The following PCDHA5 variants were observed in gnomAD, a reference collection of about 807,000 sequenced individuals.
The protein encoded by PCDHA5 is protocadherin alpha-5.
In PCDHA5, 43 loss-of-function variants were observed where a neutral mutation model predicts 61.6. The observed-to-expected ratio is 0.70, with a 90% CI of 0.55 to 0.90. PCDHA5 has a LOEUF of 0.90. Among genes scored for constraint, PCDHA5 ranks in the 40% least tolerant of loss-of-function variants. PCDHA5 has a pLI of 0.00. For missense variants in PCDHA5, 1,298 were observed against 1,222.7 expected, an observed-to-expected ratio of 1.06 and a Z score of -0.92; for synonymous variants, 627 against 543.9, an observed-to-expected ratio of 1.15 and a Z score of -2.13.
In PCDHA5 at chr5:140,857,075, A is replaced by C. The variant is rs782381292; in HGVS notation, c.2352+32948A>C. On this transcript the variant is annotated intron_variant, in intron 1 of 3. Coordinates refer to ENST00000529859, the MANE Select transcript of PCDHA5 (RefSeq NM_018908.3). ...GGTCCTAGTGGAACTACTGGATGAA[A>C]ATGATAATTCACCTGAGGTGATTGT... is the stretch of plus-strand genomic sequence containing the variant. 10 of 1,597,052 alleles carry C rather than the reference A, an allele frequency of 6.3e-6. 1 individual carries two copies. The highest frequency in any genetic ancestry group is 8.6e-6 in the Non-Finnish European group (10 of 1,166,684).
At chr5:140,845,460 T>C (rs1432281352) in intron 1 of PCDHA5, among the ~76,000 whole-genome samples, 1 of 149,744 alleles carries the variant, frequency 6.7e-6, no homozygotes, top group Non-Finnish European at 1.5e-5. Context: ...AACTCTCTGA[T>C]ATTTGAATTT....
At chr5:140,890,902 G>A (rs781819787) in intron 1 of PCDHA5, among the ~76,000 whole-genome samples, 16 of 152,080 alleles carry the variant, frequency 1.1e-4, no homozygotes, top group Non-Finnish European at 1.5e-4. Context: ...GTCTTTCCAT[G>A]TTAGAATAAT....
In PCDHA5 at chr5:140,829,829, C is replaced by G. The variant is rs2150175564; in HGVS notation, c.2352+5702C>G. The G allele has an allele frequency of 1.2e-5, 19 of 1,613,904 alleles. No individual in the cohort carries two copies. In the East Asian group the frequency reaches 3.6e-4, roughly 30 times the overall value. ...TGGTACTGGTGGTGCAGTGAGCGAG[C>G]TGGTGCCGCGGTCACTGGGTGCAGG... On this transcript the variant is annotated intron_variant, in intron 1 of 3. Transcript: ENST00000529859.
chr5:141,009,501 C>T (rs2098410009), intron 3 of PCDHA5, 126 bp from the exon 4 acceptor site: 4 of 1,492,480 alleles, frequency 2.7e-6, no homozygotes, highest in Non-Finnish European at 3.6e-6. Context: ...CAGACTTGAA[C>T]AAACAACTCG....
In PCDHA5 at chr5:140,851,831, A is replaced by T. The variant is rs1171493624; in HGVS notation, c.2352+27704A>T. 16 of 968,114 alleles carry T rather than the reference A, an allele frequency of 1.7e-5. 1 individual carries two copies. Among genetic ancestry groups the T allele is most frequent in the Middle Eastern group, 5.3e-4 (1 of 1,876 alleles). 60.0% of individuals were successfully genotyped at this position (968,114 alleles called of 1,614,324 possible). On this transcript the variant is annotated intron_variant, in intron 1 of 3. Transcript: ENST00000529859. ...CCATAAGACAGAAATCTGTTTTTTT[A>T]AAAATATCTTTTTCTCCTCTCAGCT...
chr5:140,948,902 T>C (rs943078074), intron 1 of PCDHA5, among the ~76,000 whole-genome samples: 1 of 151,528 alleles, frequency 6.6e-6, no homozygotes, highest in Non-Finnish European at 1.5e-5. Flanking sequence ...TTAAGTGGAT[T>C]CTTAGGTAAC....
At chr5:140,871,293 G>T (rs1206433527) in intron 1 of PCDHA5, 5 of 1,613,794 alleles carry the variant, frequency 3.1e-6, no homozygotes, top group Admixed American at 1.7e-5. Flanking sequence ...CTGAGGGCGC[G>T]TGCGCGCCGG....
chr5:140,903,273 T>G (rs1213268192), intron 1 of PCDHA5, among the ~76,000 whole-genome samples: 2 of 152,228 alleles, frequency 1.3e-5, no homozygotes, highest in Non-Finnish European at 2.9e-5. Flanking sequence ...AGTGAGGTAG[T>G]GTCTCATTGT....
chr5:140,869,190 C>G (rs536787060), intron 1 of PCDHA5: 1 of 1,613,998 alleles, frequency 6.2e-7, no homozygotes, highest in African/African-American at 1.3e-5. Context: ...TGGGGAGCGG[C>G]CAGCTCCACT....
rs111233751 is a variant in PCDHA5, at chr5:140,887,119, C to T, written c.2352+62992C>T. On this transcript the variant is annotated intron_variant, in intron 1 of 3. Transcript: ENST00000529859. ...TTTATCTCTTTTTTTTTTTTTGAGA[C>T]GGAGTCTCACTCTGTCGCCCAGGCT... 6.0e-3 allele frequency among the ~76,000 whole-genome samples: 904 copies of T among 149,504 alleles called. 4 individuals are homozygous for T. The highest frequency in any genetic ancestry group is 0.014 in the Middle Eastern group (4 of 294).
At chr5:140,975,160 T>G (rs2096656216) in intron 1 of PCDHA5, among the ~76,000 whole-genome samples, 1 of 152,194 alleles carries the variant, frequency 6.6e-6, no homozygotes, top group African/African-American at 2.4e-5. Flanking sequence ...CCTAGAGAAC[T>G]GAGGACTCAG....
Position 140,892,378 on chromosome 5 carries a change from A to G in PCDHA5, c.2352+68251A>G, listed in dbSNP as rs13360703. 4.7e-3 allele frequency among the ~76,000 whole-genome samples: 722 copies of G among 152,344 alleles called. 7 individuals are homozygous for G. Among genetic ancestry groups the G allele is most frequent in the African/African-American group, 0.016 (672 of 41,584 alleles). On this transcript the variant is annotated intron_variant, in intron 1 of 3. Coordinates refer to ENST00000529859, the MANE Select transcript of PCDHA5 (RefSeq NM_018908.3). Reference sequence around the variant, plus strand: ...CAGGCATCTTGGGGCACTAGCAATCATGGGTAATCTTAATCTATTTCAAGC... The same window carrying G: ...CAGGCATCTTGGGGCACTAGCAATCGTGGGTAATCTTAATCTATTTCAAGC...
chr5:140,981,456 C>G (rs2096933076), intron 2 of PCDHA5, among the ~76,000 whole-genome samples: 1 of 152,054 alleles, frequency 6.6e-6, no homozygotes, highest in African/African-American at 2.4e-5. Flanking sequence ...TGCCTGTAGT[C>G]CCAGCTACTT....
chr5:140,941,199 C>CTT (rs879983584), intron 1 of PCDHA5, among the ~76,000 whole-genome samples: 22 of 115,972 alleles, frequency 1.9e-4, no homozygotes, highest in African/African-American at 6.6e-4. Context: ...TTTTTTCTTT[C>CTT]TTCCTTTCTT....
chr5:140,926,698 C>G, intron 1 of PCDHA5: 2 of 787,702 alleles, frequency 2.5e-6, no homozygotes, highest in Non-Finnish European at 3.6e-6. Context: ...AAGCCCGGCT[C>G]CCAGCTGGCC....
chr5:140,997,046 T>C (rs2097756944), intron 3 of PCDHA5, among the ~76,000 whole-genome samples: 1 of 152,176 alleles, frequency 6.6e-6, no homozygotes, highest in Admixed American at 6.5e-5. Flanking sequence ...AACTTTACTT[T>C]TTAGAGCAGT....
intron 1 of PCDHA5, among the ~76,000 whole-genome samples, chr5:140,921,161 T>A (rs201050388): frequency 2.1e-5 from 3 of 141,450 alleles, no homozygotes; most frequent in African/African-American, 5.2e-5. Context: ...ATTTTTTTTT[T>A]AACACACATA....
chr5:140,868,138 A>G (rs1436780455), intron 1 of PCDHA5: 7 of 152,142 alleles, frequency 4.6e-5, no homozygotes, highest in African/African-American at 1.4e-4. Context: ...CTGTCATATC[A>G]TTGATTCTGT....
rs781960813 is a variant in PCDHA5 at position 140,883,266 on chromosome 5, A to C, written c.2352+59139A>C. On this transcript the variant is annotated intron_variant, in intron 1 of 3. Transcript: ENST00000529859. ...AAAGGAAATATTCCAATGGCGGGTCATTGTACCCTTTTGGTGGAAGTACTA... is the reference window on the plus strand; with the variant it reads ...AAAGGAAATATTCCAATGGCGGGTCCTTGTACCCTTTTGGTGGAAGTACTA... 2.7e-5 allele frequency: 43 copies of C among 1,614,082 alleles called. No individual in the cohort carries two copies. In the African/African-American group the frequency reaches 4.7e-4, roughly 18 times the overall value.
Sources: gnomAD v4.1 joint callset for allele counts (sites outside exome capture counted in the v4.1 genomes callset) on GRCh38, gnomAD v4.1.1 for gene constraint, MANE v1.5 for transcripts, NCBI Gene and HGNC (gene_info 2026-07-23, HGNC 2026-07-21) for gene names.